Variants in KCNIP1 observed in about 807,000 individuals in gnomAD.
KCNIP1 encodes A-type potassium channel modulatory protein KCNIP1.
In KCNIP1, 18 loss-of-function variants were observed where a neutral mutation model predicts 33.0. The ratio of observed to expected loss-of-function variants is 0.55; its 90% confidence interval spans 0.38 to 0.81. The LOEUF (loss-of-function observed/expected upper bound fraction) is 0.81, where lower values mean the gene tolerates loss of function less well. Ranked by LOEUF, KCNIP1 falls within the 30% of genes least tolerant of loss-of-function variation. The probability of loss-of-function intolerance (pLI) is 0.00; values close to 1 mark genes in which losing one functional copy is unlikely to be tolerated. For missense variants in KCNIP1, 238 were observed against 271.6 expected (o/e 0.88, Z 0.87); for synonymous variants, 93 against 98.3 (o/e 0.95, Z 0.32).
chr5:170,440,263 G>A (rs930984328), intron 1 of KCNIP1, among the ~76,000 whole-genome samples: 4 of 152,224 alleles, frequency 2.6e-5, no homozygotes, highest in Non-Finnish European at 2.9e-5. Flanking sequence ...TGTTTAAGCC[G>A]CCCAGTCTGT....
At chr5:170,716,206 C>T (rs1478112902) in intron 1 of KCNIP1, among the ~76,000 whole-genome samples, 1 of 152,132 alleles carries the variant, frequency 6.6e-6, no homozygotes, top group East Asian at 1.9e-4. Context: ...GACCCATGAG[C>T]GTCACAACCA....
chr5:170,666,192 T>G (rs1180421037), intron 1 of KCNIP1, among the ~76,000 whole-genome samples: 1 of 152,252 alleles, frequency 6.6e-6, no homozygotes, highest in Non-Finnish European at 1.5e-5. Context: ...TGGATATTTA[T>G]GTTGACACTT....
intron 1 of KCNIP1, among the ~76,000 whole-genome samples, chr5:170,624,650 A>G (rs925288579): frequency 2.7e-5 from 4 of 150,374 alleles, no homozygotes; most frequent in African/African-American, 9.8e-5. Context: ...CCGTGAGCTC[A>G]GACCTGTCTT....
chr5:170,380,680 C>T (rs1764203618), intron 1 of KCNIP1, among the ~76,000 whole-genome samples: 1 of 152,234 alleles, frequency 6.6e-6, no homozygotes, highest in Non-Finnish European at 1.5e-5. Context: ...CTGCCAGGTC[C>T]TCAGTAGCAT....
At chr5:170,685,170 A>G (rs142577468) in intron 1 of KCNIP1, among the ~76,000 whole-genome samples, 10 of 152,150 alleles carry the variant, frequency 6.6e-5, no homozygotes, top group African/African-American at 2.4e-4. Flanking sequence ...TTGTATGATC[A>G]GCAAAAGGAC....
chr5:170,618,516 A>AAGGAAGGG (rs1561721100), intron 1 of KCNIP1, among the ~76,000 whole-genome samples: 1 of 77,984 alleles, frequency 1.3e-5, no homozygotes, highest in African/African-American at 5.8e-5. Context: ...AGGAGGAAGG[A>AAGGAAGGG]AGGGAGGGAG....
At chr5:170,672,355 G>C (rs558560803) in intron 1 of KCNIP1, among the ~76,000 whole-genome samples, 1 of 152,248 alleles carries the variant, frequency 6.6e-6, no homozygotes, top group African/African-American at 2.4e-5. Flanking sequence ...CCCTCTCGAA[G>C]GGGTTCAGAA....
intron 1 of KCNIP1, chr5:170,669,482 T>C (rs1446205884): frequency 1.0e-6 from 1 of 973,634 alleles, no homozygotes; most frequent in Non-Finnish European, 1.2e-6. Context: ...TAATAAATAT[T>C]CATTTTCTTT....
chr5:170,358,552 C>T (rs1419241666), intron 1 of KCNIP1, among the ~76,000 whole-genome samples: 6 of 152,310 alleles, frequency 3.9e-5, no homozygotes. Flanking sequence ...CATTTGAACA[C>T]CACCCCAAGC....
At chr5:170,437,751 A>G (rs555558586) in intron 1 of KCNIP1, among the ~76,000 whole-genome samples, 5 of 152,292 alleles carry the variant, frequency 3.3e-5, no homozygotes, top group Admixed American at 2.6e-4. Context: ...CCAGCCCGCC[A>G]TGCTTCCTCT....
rs80306143 is a variant in KCNIP1 at position 170,399,395 on chromosome 5, T to G, written c.88+45431T>G. Reference sequence around the variant, plus strand: ...CAATATGGAGTCACTCTAGTCGCATTTTATTAAACCAGAGGCCTGGTAAAC... The same window carrying G: ...CAATATGGAGTCACTCTAGTCGCATGTTATTAAACCAGAGGCCTGGTAAAC... On this transcript the variant is annotated intron_variant, in intron 1 of 7. Transcript: ENST00000377360. Among the ~76,000 whole-genome samples, 651 of 152,358 alleles carry G rather than the reference T, an allele frequency of 4.3e-3. 2 individuals carry two copies. The highest frequency in any genetic ancestry group is 0.015 in the African/African-American group (608 of 41,580).
chr5:170,561,251 G>T, intron 1 of KCNIP1: 1 of 389,842 alleles, frequency 2.6e-6, no homozygotes, highest in East Asian at 7.3e-5. Context: ...GCTGGCCCCT[G>T]CATCCTCAGA....
chr5:170,599,122 T>G (rs912453884), intron 1 of KCNIP1, among the ~76,000 whole-genome samples: 1 of 152,042 alleles, frequency 6.6e-6, no homozygotes, highest in African/African-American at 2.4e-5. Context: ...GAGCACCAGA[T>G]AGAACTGACT....
intron 2 of KCNIP1, among the ~76,000 whole-genome samples, chr5:170,720,095 T>A (rs1388420006): frequency 6.6e-6 from 1 of 152,174 alleles, no homozygotes; most frequent in East Asian, 1.9e-4. Flanking sequence ...GTTTTTCTGA[T>A]CTTAAAGCCC....
At chr5:170,695,930 A>C (rs1268044825) in intron 1 of KCNIP1, among the ~76,000 whole-genome samples, 4 of 151,362 alleles carry the variant, frequency 2.6e-5, no homozygotes, top group Non-Finnish European at 5.9e-5. Context: ...GAGGCAGGAG[A>C]ATTGTTCGAA....
intron 1 of KCNIP1, among the ~76,000 whole-genome samples, chr5:170,448,159 T>G (rs904099027): frequency 3.3e-5 from 5 of 152,188 alleles, no homozygotes; most frequent in Admixed American, 2.0e-4. Flanking sequence ...GTAGTTAGTA[T>G]AGTTGCCCAG....
At chr5:170,592,644 A>G (rs1350194660) in intron 1 of KCNIP1, among the ~76,000 whole-genome samples, 7 of 152,150 alleles carry the variant, frequency 4.6e-5, no homozygotes, top group Non-Finnish European at 1.0e-4. Context: ...AATCTCTTAC[A>G]TGCTGGATAA....
intron 1 of KCNIP1, among the ~76,000 whole-genome samples, chr5:170,514,952 C>A: frequency 1.3e-5 from 2 of 152,298 alleles, no homozygotes; most frequent in South Asian, 2.1e-4. Flanking sequence ...CTCACAACAA[C>A]CCTATGTGGT....
intron 1 of KCNIP1, among the ~76,000 whole-genome samples, chr5:170,476,729 C>T (rs557758630): frequency 3.4e-4 from 51 of 152,176 alleles, no homozygotes; most frequent in Non-Finnish European, 5.7e-4. Flanking sequence ...CTGCTTTAGA[C>T]ATCCACTCTT....
Sources: gnomAD v4.1 joint callset for allele counts (sites outside exome capture counted in the v4.1 genomes callset) on GRCh38, gnomAD v4.1.1 for gene constraint, MANE v1.5 for transcripts, NCBI Gene and HGNC (gene_info 2026-07-23, HGNC 2026-07-21) for gene names.